CACHD1: variants seen among roughly 807,000 people sequenced by gnomAD.
CACHD1 encodes the protein cache domain containing 1.
CACHD1 carries 71 observed loss-of-function variants against 138.7 expected under a neutral mutation model. That is an observed-to-expected ratio of 0.51 (90% CI 0.42 to 0.62). The LOEUF (loss-of-function observed/expected upper bound fraction) is 0.62, where lower values mean the gene tolerates loss of function less well. CACHD1 is among the 20% of genes least tolerant of loss of function. The probability of loss-of-function intolerance (pLI) is 0.00; values close to 1 mark genes in which losing one functional copy is unlikely to be tolerated. For missense variants in CACHD1, 1,389 were observed against 1,625.3 expected (o/e 0.85, Z 2.50); for synonymous variants, 578 against 591.5 (o/e 0.98, Z 0.33).
chr1:64,629,609 G>A, intron 5 of CACHD1, 128 bp downstream of exon 5: 1 of 1,149,340 alleles, frequency 8.7e-7, no homozygotes. Flanking sequence ...TACTTGTTCT[G>A]AAATGAATTC....
intron 2 of CACHD1, among the ~76,000 whole-genome samples, chr1:64,554,629 C>T (rs2100463741): frequency 6.6e-6 from 1 of 152,252 alleles, no homozygotes; most frequent in South Asian, 2.1e-4. Flanking sequence ...CACCTTTTTG[C>T]ATGCTTATAG....
chr1:64,594,270 G>GAAAGA (rs869282203), intron 3 of CACHD1, among the ~76,000 whole-genome samples: 13 of 131,174 alleles, frequency 9.9e-5, no homozygotes, highest in African/African-American at 3.6e-4. Context: ...AAAAAAAAAA[G>GAAAGA]AAAGAAAGGT....
intron 4 of CACHD1, among the ~76,000 whole-genome samples, chr1:64,628,794 A>T (rs1397829754): frequency 6.6e-6 from 1 of 152,204 alleles, no homozygotes; most frequent in African/African-American, 2.4e-5. Flanking sequence ...GACATGAGAT[A>T]ACATAAGGAA....
intron 1 of CACHD1, among the ~76,000 whole-genome samples, chr1:64,488,671 A>T (rs976475545): frequency 1.3e-5 from 2 of 152,222 alleles, no homozygotes; most frequent in Non-Finnish European, 2.9e-5. Context: ...AAAATTGTGT[A>T]GATAAACATT....
chr1:64,517,748 C>T (rs186646123), intron 1 of CACHD1, among the ~76,000 whole-genome samples: 1 of 152,328 alleles, frequency 6.6e-6, no homozygotes, highest in Admixed American at 6.5e-5. Flanking sequence ...TCACCATGAG[C>T]TTCTCCTCAG....
intron 1 of CACHD1, among the ~76,000 whole-genome samples, chr1:64,497,279 C>T (rs1006012598): frequency 6.6e-6 from 1 of 152,120 alleles, no homozygotes; most frequent in Admixed American, 6.5e-5. Flanking sequence ...TTTTTTCAGT[C>T]CCTACTCTGT....
chr1:64,561,858 C>CAAAAAAAA (rs35407984), intron 2 of CACHD1, among the ~76,000 whole-genome samples: 1 of 116,480 alleles, frequency 8.6e-6, no homozygotes, highest in African/African-American at 3.5e-5. Context: ...ACACTGTCTC[C>CAAAAAAAA]AAAAAAAAAA....
At chr1:64,490,799 T>G (rs1646270267) in intron 1 of CACHD1, among the ~76,000 whole-genome samples, 1 of 152,184 alleles carries the variant, frequency 6.6e-6, no homozygotes. Flanking sequence ...AAGCAAGAAT[T>G]TATATAAAAG....
At chr1:64,571,708 C>T (rs1162167909) in intron 2 of CACHD1, among the ~76,000 whole-genome samples, 1 of 152,150 alleles carries the variant, frequency 6.6e-6, no homozygotes, top group Non-Finnish European at 1.5e-5. Flanking sequence ...AGAACCCTAA[C>T]ATGCTGTGGT....
intron 26 of CACHD1, among the ~76,000 whole-genome samples, chr1:64,689,982 T>A (rs1429554113): frequency 6.6e-6 from 1 of 152,230 alleles, no homozygotes; most frequent in Non-Finnish European, 1.5e-5. Context: ...GTAAAATCAT[T>A]AGGGAAAGAT....
chr1:64,632,256 GAAAAAAAAA>G (rs55924104), intron 5 of CACHD1, among the ~76,000 whole-genome samples: 7 of 129,794 alleles, frequency 5.4e-5, no homozygotes, highest in Admixed American at 8.0e-5. Context: ...GCTTTTTTCT[GAAAAAAAAA>G]AAAAAAAAAA....
At chr1:64,484,396 C>T (rs1646229330) in intron 1 of CACHD1, among the ~76,000 whole-genome samples, 1 of 151,882 alleles carries the variant, frequency 6.6e-6, no homozygotes, top group Admixed American at 6.6e-5. Context: ...AGTTTAAGAA[C>T]TGAAAGAAAG....
rs184647339 is a variant in CACHD1 at position 64,621,365 on chromosome 1, G to T, written c.518-7990G>T. ...ACTTATATCTTCTAAGTCAGTAGGAGTGAGGATGCTCCCCTCTTCCCCTTT... is the reference window on the plus strand; with the variant it reads ...ACTTATATCTTCTAAGTCAGTAGGATTGAGGATGCTCCCCTCTTCCCCTTT... On this transcript the variant is annotated intron_variant, in intron 4 of 26. Transcript: ENST00000651257. Among the ~76,000 whole-genome samples, 984 of 152,234 alleles carry T rather than the reference G, an allele frequency of 6.5e-3. 5 individuals are homozygous for T. The highest frequency in any genetic ancestry group is 0.011 in the Non-Finnish European group (716 of 68,012).
chr1:64,650,518 A>C (rs1649055205), intron 9 of CACHD1, among the ~76,000 whole-genome samples: 1 of 152,204 alleles, frequency 6.6e-6, no homozygotes, highest in South Asian at 2.1e-4. Flanking sequence ...CTAAATGTGA[A>C]CTGCTTAAAA....
chr1:64,581,826 C>T (rs1647015061), intron 2 of CACHD1, among the ~76,000 whole-genome samples: 1 of 152,244 alleles, frequency 6.6e-6, no homozygotes, highest in South Asian at 2.1e-4. Flanking sequence ...ACACAATGCC[C>T]ACTGTCATGC....
chr1:64,634,268 C>G lies in CACHD1; in HGVS notation c.1006+8C>G. 1 of 1,610,962 alleles carries G rather than the reference C, an allele frequency of 6.2e-7. No individual in the cohort carries two copies. Among genetic ancestry groups the G allele is most frequent in the Non-Finnish European group, 8.5e-7 (1 of 1,177,470 alleles). On this transcript the variant is annotated splice_region_variant and intron_variant, in intron 7 of 26. Transcript: ENST00000651257. ...ACACAAAGTTCCAAGCAAGTGAGTG[C>G]GTTCTCTCAGAGGACTTAGAGGCAT... is the stretch of plus-strand genomic sequence containing the variant.
chr1:64,601,993 A>G (rs1647219597), intron 3 of CACHD1, among the ~76,000 whole-genome samples: 1 of 152,190 alleles, frequency 6.6e-6, no homozygotes, highest in Non-Finnish European at 1.5e-5. Context: ...CTATATGTAA[A>G]TAAGCTGGTA....
chr1:64,580,455 G>A (rs1647003299), intron 2 of CACHD1, among the ~76,000 whole-genome samples: 1 of 151,854 alleles, frequency 6.6e-6, no homozygotes, highest in African/African-American at 2.4e-5. Context: ...ATAAAAATTG[G>A]AAAAGAAAAA....
At position 64,580,401 on chromosome 1, in the gene CACHD1, A is replaced by G. The variant is rs12564200; in HGVS notation, c.262-1755A>G. On this transcript the variant is annotated intron_variant, in intron 2 of 26. Coordinates refer to ENST00000651257, the MANE Select transcript of CACHD1 (RefSeq NM_020925.4). ...GTACAGCAAACCCTAGTAACGTGCAATTTATCCATGTAACAAATGTGCTCA... is the reference window on the plus strand; with the variant it reads ...GTACAGCAAACCCTAGTAACGTGCAGTTTATCCATGTAACAAATGTGCTCA... Among the ~76,000 whole-genome samples the G allele has an allele frequency of 5.9e-5, 9 of 152,112 alleles. No individual in the cohort carries two copies. In the East Asian group the frequency reaches 7.7e-4, roughly 13 times the overall value.
Sources: gnomAD v4.1 joint callset for allele counts (sites outside exome capture counted in the v4.1 genomes callset) on GRCh38, gnomAD v4.1.1 for gene constraint, MANE v1.5 for transcripts, NCBI Gene and HGNC (gene_info 2026-07-23, HGNC 2026-07-21) for gene names.